RANBP9: variants seen among roughly 807,000 people sequenced by gnomAD.
The protein encoded by RANBP9 is RAN binding protein 9.
Under a neutral mutation model 84.3 loss-of-function variants are expected in RANBP9, and 15 were observed. The ratio of observed to expected loss-of-function variants is 0.18; its 90% CI spans 0.12 to 0.27. RANBP9 has a LOEUF of 0.27. Ranked by LOEUF, RANBP9 falls within the 10% of genes least tolerant of loss-of-function variation. The probability of loss-of-function intolerance (pLI) is 1.00; values close to 1 mark genes in which losing one functional copy is unlikely to be tolerated. For synonymous variants in RANBP9, 392 were observed against 349.6 expected (o/e 1.12, Z -1.35); for missense variants, 809 against 912.8 (o/e 0.89, Z 1.46).
chr6:13,704,779 G>C (rs546257278), intron 1 of RANBP9, among the ~76,000 whole-genome samples: 4 of 151,752 alleles, frequency 2.6e-5, no homozygotes, highest in Non-Finnish European at 5.9e-5. Flanking sequence ...GCAACACCTA[G>C]CCCCTCCCTT....
chr6:13,670,043 G>A (rs1009819317), intron 2 of RANBP9, among the ~76,000 whole-genome samples: 4 of 151,958 alleles, frequency 2.6e-5, no homozygotes, highest in Non-Finnish European at 5.9e-5. Context: ...TAATCCCCGC[G>A]CTTTGAAAGG....
At chr6:13,626,435 G>A (rs1039516795) in intron 12 of RANBP9, among the ~76,000 whole-genome samples, 5 of 152,152 alleles carry the variant, frequency 3.3e-5, no homozygotes, top group Non-Finnish European at 4.4e-5. Flanking sequence ...AACTGGCTGT[G>A]TAGCCTTTGG....
At chr6:13,627,992 C>T (rs753701715) in intron 12 of RANBP9, among the ~76,000 whole-genome samples, 5 of 152,142 alleles carry the variant, frequency 3.3e-5, no homozygotes, top group African/African-American at 7.2e-5. Flanking sequence ...AATACTACTA[C>T]ACTGCAGTGT....
chr6:13,694,053 C>CA (rs1766385974), intron 2 of RANBP9, among the ~76,000 whole-genome samples: 1 of 152,018 alleles, frequency 6.6e-6, no homozygotes, highest in Non-Finnish European at 1.5e-5. Context: ...AGGAAAAAAA[C>CA]AAAAACAAAC....
intron 2 of RANBP9, among the ~76,000 whole-genome samples, chr6:13,688,958 G>A (rs974803376): frequency 7.9e-6 from 1 of 126,764 alleles, no homozygotes; most frequent in Admixed American, 1.0e-4. Flanking sequence ...ACCAGCCTGT[G>A]CAACATACCG....
intron 2 of RANBP9, among the ~76,000 whole-genome samples, chr6:13,693,253 G>C (rs1178521733): frequency 6.6e-6 from 1 of 152,206 alleles, no homozygotes; most frequent in Admixed American, 6.5e-5. Context: ...TGCGTAGTCA[G>C]AGAACTCCAA....
intron 1 of RANBP9, among the ~76,000 whole-genome samples, chr6:13,699,053 G>A (rs938960679): frequency 7.2e-5 from 11 of 152,068 alleles, no homozygotes; most frequent in Admixed American, 3.9e-4. Flanking sequence ...CAACATTTAC[G>A]AAATAGGTAT....
At chr6:13,640,517 C>T (rs1054239888) in intron 8 of RANBP9, among the ~76,000 whole-genome samples, 1 of 152,070 alleles carries the variant, frequency 6.6e-6, no homozygotes, top group African/African-American at 2.4e-5. Context: ...AAGTGTCCAT[C>T]AGTGGATGAA....
At chr6:13,659,295 C>CAT (rs1765488973) in intron 2 of RANBP9, among the ~76,000 whole-genome samples, 2 of 140,564 alleles carry the variant, frequency 1.4e-5, no homozygotes, top group African/African-American at 5.2e-5. Context: ...CACACACACA[C>CAT]GGAAATATGG....
chr6:13,659,265 C>T (rs1384015629), intron 2 of RANBP9, among the ~76,000 whole-genome samples: 4 of 147,424 alleles, frequency 2.7e-5, no homozygotes, highest in Non-Finnish European at 4.4e-5. Flanking sequence ...CATACACACA[C>T]ACACACACAC....
intron 2 of RANBP9, among the ~76,000 whole-genome samples, chr6:13,660,924 G>C (rs1363877569): frequency 6.6e-6 from 1 of 152,214 alleles, no homozygotes; most frequent in East Asian, 1.9e-4. Flanking sequence ...AAGATGAGAA[G>C]AAACACAAGG....
At chr6:13,685,799 G>A (rs1445875774) in intron 2 of RANBP9, among the ~76,000 whole-genome samples, 1 of 151,726 alleles carries the variant, frequency 6.6e-6, no homozygotes, top group Non-Finnish European at 1.5e-5. Context: ...GTGGTGGTGT[G>A]CGCCTGTAGT....
chr6:13,662,048 T>C (rs1022394440), intron 2 of RANBP9, among the ~76,000 whole-genome samples: 1 of 152,090 alleles, frequency 6.6e-6, no homozygotes, highest in Non-Finnish European at 1.5e-5. Flanking sequence ...ATACACAGAC[T>C]GTCACAAAAG....
chr6:13,641,321 G>T lies in RANBP9; in HGVS notation c.1226-14C>A, dbSNP rs190578840. 629 of 1,486,642 alleles carry T rather than the reference G, an allele frequency of 4.2e-4. 1 individual carries two copies. In the African/African-American group the frequency reaches 7.6e-3, roughly 18 times the overall value. 92.1% of individuals were successfully genotyped at this position (1,486,642 alleles called of 1,614,324 possible). A position where few individuals can be genotyped will look rare whatever the true frequency, so the allele number is the denominator to read the frequency against. On this transcript the variant is annotated splice_polypyrimidine_tract_variant and intron_variant, in intron 7 of 13. Coordinates refer to ENST00000011619, the MANE Select transcript of RANBP9 (RefSeq NM_005493.3). ...ATTTCTGAATTCCTATTCAGTAAAA[G>T]AAAGCAAACGATTAACTTTTACAAA...
chr6:13,677,164 T>G (rs1380129398), intron 2 of RANBP9, among the ~76,000 whole-genome samples: 5 of 152,116 alleles, frequency 3.3e-5, no homozygotes, highest in African/African-American at 1.2e-4. Flanking sequence ...CATAGCAAGG[T>G]GGCAGGATAC....
chr6:13,709,030 T>C (rs1366707091), intron 1 of RANBP9, among the ~76,000 whole-genome samples: 1 of 152,214 alleles, frequency 6.6e-6, no homozygotes, highest in Non-Finnish European at 1.5e-5. Flanking sequence ...AAAGTGAACC[T>C]TAGTATTACA....
At chr6:13,673,253 A>C (rs577431866) in intron 2 of RANBP9, among the ~76,000 whole-genome samples, 2 of 152,180 alleles carry the variant, frequency 1.3e-5, no homozygotes, top group African/African-American at 4.8e-5. Flanking sequence ...GAAATATTTA[A>C]GTGTTGGGAA....
intron 2 of RANBP9, among the ~76,000 whole-genome samples, 166 bp downstream of exon 2, chr6:13,696,619 C>T (rs1757837762): frequency 6.6e-6 from 1 of 152,160 alleles, no homozygotes; most frequent in African/African-American, 2.4e-5. Flanking sequence ...TTAACTTCAG[C>T]TAGTATTTAA....
chr6:13,650,204 T>C (rs1562304876), intron 5 of RANBP9, among the ~76,000 whole-genome samples: 1 of 151,500 alleles, frequency 6.6e-6, no homozygotes, highest in Non-Finnish European at 1.5e-5. Context: ...TCTCATTATA[T>C]TGCCCAAAGT....
Sources: allele counts gnomAD v4.1 joint callset (sites outside exome capture counted in the v4.1 genomes callset), GRCh38; gene constraint gnomAD v4.1.1; transcripts MANE v1.5; gene names NCBI Gene and HGNC (gene_info 2026-07-23, HGNC 2026-07-21).